ADGRB3: variants seen among roughly 807,000 people sequenced by gnomAD.
ADGRB3 encodes the protein brain-specific angiogenesis inhibitor 3.
A neutral mutation model predicts 193.4 loss-of-function variants in ADGRB3; 37 were observed. That is an observed-to-expected ratio of 0.19 (90% CI 0.15 to 0.25). ADGRB3 has a LOEUF of 0.25. ADGRB3 is among the 10% of genes least tolerant of loss of function. ADGRB3 has a pLI of 1.00. For synonymous variants in ADGRB3, 690 were observed against 644.2 expected (o/e 1.07, Z -1.08); for missense variants, 1,637 against 1,852.9 (o/e 0.88, Z 2.14).
chr6:69,028,036 A>G (rs180950184), intron 13 of ADGRB3, among the ~76,000 whole-genome samples: 8 of 152,238 alleles, frequency 5.3e-5, no homozygotes, highest in Non-Finnish European at 7.4e-5. Flanking sequence ...AGCCCATTTG[A>G]TTTTTACTAT....
chr6:68,807,637 A>G lies in ADGRB3; in HGVS notation c.758-122922A>G, dbSNP rs142117336. Among the ~76,000 whole-genome samples, 351 of 152,202 alleles carry G rather than the reference A, an allele frequency of 2.3e-3. 1 individual carries two copies. The highest frequency in any genetic ancestry group is 8.1e-3 in the African/African-American group (335 of 41,524). On this transcript the variant is annotated intron_variant, in intron 3 of 31. Coordinates refer to ENST00000370598, the MANE Select transcript of ADGRB3 (RefSeq NM_001704.3). ...ACATAAAAATAGAAGCAGTACGATA[A>G]TGATACATAGGCAGTCTCATTCCAA...
At chr6:69,332,038 G>A (rs1203294666) in intron 23 of ADGRB3, 1 of 985,306 alleles carries the variant, frequency 1.0e-6, no homozygotes, top group Non-Finnish European at 1.2e-6. Context: ...GCAGGGCAGG[G>A]TTACACCAAG....
At chr6:69,171,496 A>G (rs1272312023) in intron 17 of ADGRB3, among the ~76,000 whole-genome samples, 2 of 152,204 alleles carry the variant, frequency 1.3e-5, no homozygotes, top group Non-Finnish European at 2.9e-5. Flanking sequence ...GCTATGGGGT[A>G]AGGTAACTCA....
intron 8 of ADGRB3, among the ~76,000 whole-genome samples, chr6:68,972,241 A>G (rs935426815): frequency 6.6e-6 from 1 of 152,084 alleles, no homozygotes; most frequent in African/African-American, 2.4e-5. Context: ...TTATTATTTT[A>G]TATTTTTGAT....
At chr6:69,239,362 G>A in intron 20 of ADGRB3, 136 bp downstream of exon 20, 3 of 593,104 alleles carry the variant, frequency 5.1e-6, no homozygotes, top group South Asian at 2.3e-5. Flanking sequence ...TTTTGTTATT[G>A]GTTTATGAAT....
At chr6:68,661,676 C>T (rs1358940635) in intron 3 of ADGRB3, among the ~76,000 whole-genome samples, 1 of 149,584 alleles carries the variant, frequency 6.7e-6, no homozygotes, top group African/African-American at 2.4e-5. Context: ...TAAATAAATA[C>T]AGGCTAGGCG....
intron 3 of ADGRB3, among the ~76,000 whole-genome samples, chr6:68,741,862 G>T (rs937311111): frequency 5.3e-5 from 8 of 151,932 alleles, no homozygotes; most frequent in Non-Finnish European, 1.2e-4. Context: ...ATTCCTTTTT[G>T]CATTCTTCTT....
Position 69,302,419 on chromosome 6 carries a change from G to A in ADGRB3, c.2815-22453G>A, listed in dbSNP as rs541520285. On this transcript the variant is annotated intron_variant, in intron 20 of 31. Coordinates refer to ENST00000370598, the MANE Select transcript of ADGRB3 (RefSeq NM_001704.3). ...TTGGTTTCATTGGTGTTTTGTCCCC[G>A]AAGTCAGAAAGTACCTTGCCAGTAA... Among the ~76,000 whole-genome samples, 14 of 151,906 alleles carry A rather than the reference G, an allele frequency of 9.2e-5. No individual in the cohort carries two copies. The South Asian group carries it at 1.0e-3, about 11-fold the overall frequency.
At chr6:68,867,076 G>T (rs1765315920) in intron 3 of ADGRB3, among the ~76,000 whole-genome samples, 1 of 152,196 alleles carries the variant, frequency 6.6e-6, no homozygotes. Context: ...CATAAGTAAA[G>T]AGGAGCCAAA....
At chr6:68,966,968 A>T (rs929535950) in intron 8 of ADGRB3, among the ~76,000 whole-genome samples, 16 of 152,306 alleles carry the variant, frequency 1.1e-4, no homozygotes, top group African/African-American at 2.6e-4. Flanking sequence ...TATAAGCATA[A>T]ATCGACCTAT....
rs1765476509 is a variant in ADGRB3, at chr6:68,872,083, A to C, written c.758-58476A>C. 2.0e-5 allele frequency among the ~76,000 whole-genome samples: 3 copies of C among 152,158 alleles called. No homozygotes were observed. In the South Asian group the frequency reaches 6.2e-4, roughly 31 times the overall value. On this transcript the variant is annotated intron_variant, in intron 3 of 31. Transcript: ENST00000370598. ...TCTTGCTGTAACTTTCAAATAAATA[A>C]AGTGTGTAAACAGACATGTAAGACT...
chr6:68,825,219 T>G (rs1767821020), intron 3 of ADGRB3, among the ~76,000 whole-genome samples: 1 of 152,114 alleles, frequency 6.6e-6, no homozygotes, highest in Non-Finnish European at 1.5e-5. Flanking sequence ...ATCTCATGGT[T>G]GCTTCTCTCC....
chr6:68,738,492 G>A (rs1765916094), intron 3 of ADGRB3, among the ~76,000 whole-genome samples: 1 of 152,100 alleles, frequency 6.6e-6, no homozygotes, highest in Non-Finnish European at 1.5e-5. Flanking sequence ...ATAACCTAGG[G>A]GTGAAAATGA....
intron 3 of ADGRB3, among the ~76,000 whole-genome samples, chr6:68,690,356 G>T (rs910407425): frequency 1.3e-5 from 2 of 152,022 alleles, no homozygotes; most frequent in African/African-American, 2.4e-5. Context: ...TGGAAACACA[G>T]ACTAAAATAT....
intron 3 of ADGRB3, among the ~76,000 whole-genome samples, chr6:68,737,994 G>T (rs370057207): frequency 6.6e-6 from 1 of 152,074 alleles, no homozygotes; most frequent in African/African-American, 2.4e-5. Flanking sequence ...AAGGAGAAAG[G>T]GAAAGGTGTT....
chr6:69,378,217 G>T (rs900774710), intron 30 of ADGRB3, among the ~76,000 whole-genome samples: 1 of 152,042 alleles, frequency 6.6e-6, no homozygotes, highest in Non-Finnish European at 1.5e-5. Flanking sequence ...GCTGCAGGGT[G>T]ATCAATATCC....
At chr6:68,819,083 T>G (rs144654609) in intron 3 of ADGRB3, among the ~76,000 whole-genome samples, 1 of 152,220 alleles carries the variant, frequency 6.6e-6, no homozygotes, top group Admixed American at 6.6e-5. Context: ...ATCCAGCCTT[T>G]AGTATATAAA....
chr6:68,904,819 A>G (rs1231108977), intron 3 of ADGRB3, among the ~76,000 whole-genome samples: 2 of 152,136 alleles, frequency 1.3e-5, no homozygotes, highest in African/African-American at 4.8e-5. Context: ...ATCTTGTTTC[A>G]AATGCTGAAA....
chr6:69,168,311 C>T (rs554775430), intron 17 of ADGRB3, among the ~76,000 whole-genome samples: 4 of 151,994 alleles, frequency 2.6e-5, no homozygotes, highest in Non-Finnish European at 5.9e-5. Context: ...ACTGTAGCTA[C>T]CTGAATAATT....
Sources: gnomAD v4.1 joint callset for allele counts (sites outside exome capture counted in the v4.1 genomes callset) on GRCh38, gnomAD v4.1.1 for gene constraint, MANE v1.5 for transcripts, NCBI Gene and HGNC (gene_info 2026-07-23, HGNC 2026-07-21) for gene names.